The following CDC123 variants were observed in gnomAD, a reference collection of about 807,000 sequenced individuals.
The protein encoded by CDC123 is translation initiation factor eIF2 assembly protein.
CDC123 carries 37 observed loss-of-function variants against 54.4 expected under a neutral mutation model. The observed-to-expected ratio is 0.68, with a 90% CI of 0.52 to 0.89. The LOEUF (loss-of-function observed/expected upper bound fraction) is 0.89. CDC123 is among the 40% of genes least tolerant of loss of function. CDC123 has a pLI of 0.00. For synonymous variants in CDC123, 144 were observed against 136.8 expected, an observed-to-expected ratio of 1.05 and a Z score of -0.37; for missense variants, 361 against 412.1, an observed-to-expected ratio of 0.88 and a Z score of 1.07.
chr10:12,222,053 A>G (rs905977122), intron 6 of CDC123, among the ~76,000 whole-genome samples: 5 of 152,206 alleles, frequency 3.3e-5, no homozygotes, highest in Non-Finnish European at 4.4e-5. Context: ...TTCCCAGGCA[A>G]TGTGGATCCG....
At chr10:12,199,404 A>G (rs1393517849) in intron 2 of CDC123, among the ~76,000 whole-genome samples, 3 of 152,190 alleles carry the variant, frequency 2.0e-5, no homozygotes, top group Non-Finnish European at 4.4e-5. Context: ...CAGTAACCCT[A>G]TGCCCTGACC....
chr10:12,219,892 G>A lies in CDC123; in HGVS notation c.440+2425G>A, dbSNP rs186686051. On this transcript the variant is annotated intron_variant, in intron 6 of 12. Coordinates refer to ENST00000281141, the MANE Select transcript of CDC123 (RefSeq NM_006023.3). ...TTTAGTAAAGACGGTGTTTCACCAC[G>A]TTAGCCAGGATGGTCTCCATCTCCT... 2.4e-3 allele frequency among the ~76,000 whole-genome samples: 362 copies of A among 152,242 alleles called. 2 individuals carry two copies. The highest frequency in any genetic ancestry group is 8.5e-3 in the African/African-American group (352 of 41,546).
chr10:12,208,661 T>C (rs1378695479), intron 2 of CDC123, among the ~76,000 whole-genome samples: 2 of 152,122 alleles, frequency 1.3e-5, no homozygotes, highest in Non-Finnish European at 2.9e-5. Flanking sequence ...TTTCTGTCAA[T>C]TGAGGGTGCG....
chr10:12,226,311 G>A (rs563042669), intron 6 of CDC123, among the ~76,000 whole-genome samples: 5 of 151,490 alleles, frequency 3.3e-5, no homozygotes, highest in Admixed American at 6.6e-5. Context: ...GGGCAGAGGC[G>A]CCCCCCACCT....
chr10:12,221,313 C>T (rs1352758912), intron 6 of CDC123, among the ~76,000 whole-genome samples: 1 of 152,184 alleles, frequency 6.6e-6, no homozygotes, highest in Non-Finnish European at 1.5e-5. Flanking sequence ...CTTCCACCAT[C>T]CTTGACTTAG....
chr10:12,228,109 A>AT (rs1024109349), intron 6 of CDC123, among the ~76,000 whole-genome samples: 8 of 150,384 alleles, frequency 5.3e-5, no homozygotes, highest in South Asian at 2.1e-4. Flanking sequence ...TAATTTTTAT[A>AT]TTTTTTTTAG....
At chr10:12,242,831 A>G (rs1836077554) in intron 10 of CDC123, among the ~76,000 whole-genome samples, 1 of 151,908 alleles carries the variant, frequency 6.6e-6, no homozygotes, top group Non-Finnish European at 1.5e-5. Context: ...AATCCCAGCT[A>G]CTTGGGAGGC....
At chr10:12,248,768 T>C (rs1836194785) in intron 11 of CDC123, among the ~76,000 whole-genome samples, 1 of 150,838 alleles carries the variant, frequency 6.6e-6, no homozygotes, top group South Asian at 2.1e-4. Context: ...ATTGCTCCAT[T>C]GCATCCAGCC....
chr10:12,225,812 G>A (rs1374300703), intron 6 of CDC123, among the ~76,000 whole-genome samples: 1 of 142,052 alleles, frequency 7.0e-6, no homozygotes, highest in Non-Finnish European at 1.5e-5. Context: ...CTCAGAGAGG[G>A]GGATTTGGCA....
In CDC123 at chr10:12,196,222, G is replaced by GGCA. The variant is rs777026580; in HGVS notation, c.-18_-16dup. ...GGAGGGTGCAGGCAGGAGAGGGAAA[G>GGCA]GCAGCAGCGGCGGCAGCTGGAGGAT... On this transcript the variant is annotated 5_prime_UTR_variant, in exon 1 of 13. Coordinates refer to ENST00000281141, the MANE Select transcript of CDC123 (RefSeq NM_006023.3). 1.9e-5 allele frequency: 31 copies of GGCA among 1,613,784 alleles called. No homozygotes were observed. The highest frequency in any genetic ancestry group is 2.6e-5 in the Non-Finnish European group (31 of 1,179,970).
At chr10:12,199,356 A>C (rs1207900146) in intron 2 of CDC123, among the ~76,000 whole-genome samples, 1 of 152,206 alleles carries the variant, frequency 6.6e-6, no homozygotes, top group Non-Finnish European at 1.5e-5. Context: ...TCACGTTATG[A>C]GTGTTCAGCC....
chr10:12,210,506 G>A (rs1835583084), intron 4 of CDC123, among the ~76,000 whole-genome samples, 184 bp downstream of exon 4: 1 of 151,864 alleles, frequency 6.6e-6, no homozygotes, highest in Non-Finnish European at 1.5e-5. Context: ...AGGCAAACAT[G>A]ATTTGCCCTT....
chr10:12,224,659 A>C (rs1835780958), intron 6 of CDC123, among the ~76,000 whole-genome samples: 4 of 152,326 alleles, frequency 2.6e-5, no homozygotes, highest in South Asian at 2.1e-4. Context: ...CAAATTAGTG[A>C]CTGTAGTTGA....
chr10:12,205,220 G>T (rs1835502566), intron 2 of CDC123, among the ~76,000 whole-genome samples: 2 of 151,980 alleles, frequency 1.3e-5, no homozygotes, highest in South Asian at 4.2e-4. Flanking sequence ...ATGATCTCCA[G>T]TTTCATCCAT....
rs768321271 is a variant in CDC123, at chr10:12,250,378, C to T, written c.*41C>T. ...TGGAGAAGAGGAGGCCCCGCCCCAC[C>T]GCTCCGGGAGCTGCTCATCAGCCGC... On this transcript the variant is annotated 3_prime_UTR_variant, in exon 13 of 13. Coordinates refer to ENST00000281141, the MANE Select transcript of CDC123 (RefSeq NM_006023.3). 2.1e-5 allele frequency: 32 copies of T among 1,529,716 alleles called. No individual in the cohort carries two copies. Among genetic ancestry groups the T allele is most frequent in the South Asian group, 1.1e-5 (1 of 89,240 alleles). 94.8% of individuals were successfully genotyped at this position (1,529,716 alleles called of 1,614,324 possible). A position where few individuals can be genotyped will look rare whatever the true frequency, so the allele number is the denominator to read the frequency against.
intron 10 of CDC123, among the ~76,000 whole-genome samples, chr10:12,238,975 G>A (rs958837216): frequency 1.3e-5 from 2 of 151,920 alleles, no homozygotes; most frequent in Non-Finnish European, 2.9e-5. Context: ...GGGCAACAGA[G>A]CGAGACTCTG....
chr10:12,225,506 C>G (rs920610524), intron 6 of CDC123, among the ~76,000 whole-genome samples: 1 of 151,196 alleles, frequency 6.6e-6, no homozygotes, highest in African/African-American at 2.5e-5. Flanking sequence ...TCATTCCACT[C>G]TCTCATTTTC....
intron 6 of CDC123, among the ~76,000 whole-genome samples, chr10:12,223,604 C>T (rs1432403764): frequency 6.6e-6 from 1 of 151,498 alleles, no homozygotes; most frequent in Non-Finnish European, 1.5e-5. Context: ...ATTATGAAGT[C>T]CACAAAAAAT....
At chr10:12,227,229 A>T (rs1156870792) in intron 6 of CDC123, among the ~76,000 whole-genome samples, 2 of 143,742 alleles carry the variant, frequency 1.4e-5, no homozygotes, top group Non-Finnish European at 3.1e-5. Flanking sequence ...TCTGCTCGGC[A>T]TCAGAGGGAG....
Sources: gnomAD v4.1 joint callset for allele counts (sites outside exome capture counted in the v4.1 genomes callset) on GRCh38, gnomAD v4.1.1 for gene constraint, MANE v1.5 for transcripts, NCBI Gene and HGNC (gene_info 2026-07-23, HGNC 2026-07-21) for gene names.